Variants in TTC8 observed in about 807,000 individuals in gnomAD.
The protein encoded by TTC8 is tetratricopeptide repeat domain 8, also known as tetratricopeptide repeat protein 8.
A neutral mutation model predicts 72.5 loss-of-function variants in TTC8; 47 were observed. The ratio of observed to expected loss-of-function variants is 0.65; its 90% CI spans 0.51 to 0.83. The LOEUF is 0.83. Among genes scored for constraint, TTC8 ranks in the 40% least tolerant of loss-of-function variants. TTC8 has a pLI of 0.00. For missense variants in TTC8, 611 were observed against 623.2 expected (o/e 0.98, Z 0.21); for synonymous variants, 199 against 221.4 (o/e 0.90, Z 0.90).
intron 14 of TTC8, among the ~76,000 whole-genome samples, chr14:88,875,491 C>CT (rs1431244403): frequency 2.6e-5 from 4 of 152,198 alleles, no homozygotes; most frequent in Admixed American, 2.6e-4. Flanking sequence ...GGTACAATTG[C>CT]TGTAAAATTA....
intron 1 of TTC8, 104 bp from the exon 2 acceptor site, chr14:88,833,589 A>C: frequency 1.0e-6 from 1 of 962,908 alleles, no homozygotes; most frequent in Non-Finnish European, 1.7e-6. Context: ...ATTCTTATTG[A>C]ATGAGTTAGA....
intron 1 of TTC8, 130 bp from the exon 2 acceptor site, chr14:88,833,563 A>G: frequency 2.6e-6 from 2 of 762,452 alleles, no homozygotes; most frequent in Non-Finnish European, 4.5e-6. Flanking sequence ...TAGGAAGACT[A>G]AAGTTAATTT....
chr14:88,834,345 T>C (rs1322864005), intron 2 of TTC8, among the ~76,000 whole-genome samples: 1 of 152,124 alleles, frequency 6.6e-6, no homozygotes, highest in East Asian at 1.9e-4. Context: ...CAGTGATACT[T>C]TTAATCCAGG....
Position 88,866,382 on chromosome 14 carries a change from AACACAC to A in TTC8, c.910-3650_910-3645del, listed in dbSNP as rs10553603. Reference sequence around the variant, plus strand: ...AAAATTGCTGAAAATGGGAGATTTAAACACACACACACACACACACACACACACACA... The same window carrying A: ...AAAATTGCTGAAAATGGGAGATTTAAACACACACACACACACACACACACA... On this transcript the variant is annotated intron_variant, in intron 10 of 14. Coordinates refer to ENST00000380656, the MANE Select transcript of TTC8 (RefSeq NM_144596.4). 2.9e-3 allele frequency among the ~76,000 whole-genome samples: 429 copies of A among 146,662 alleles called. 1 individual carries two copies. Among genetic ancestry groups the A allele is most frequent in the South Asian group, 0.014 (64 of 4,582 alleles).
intron 6 of TTC8, among the ~76,000 whole-genome samples, 155 bp from the exon 7 acceptor site, chr14:88,843,651 A>G (rs1358456121): frequency 6.6e-6 from 1 of 152,176 alleles, no homozygotes; most frequent in African/African-American, 2.4e-5. Context: ...TGTTAAAACC[A>G]GAATCAGTTA....
chr14:88,847,121 G>T (rs2094810467), intron 7 of TTC8, among the ~76,000 whole-genome samples: 1 of 152,132 alleles, frequency 6.6e-6, no homozygotes, highest in Non-Finnish European at 1.5e-5. Context: ...CTCAAGGGTA[G>T]GTGTGGCGAA....
At chr14:88,838,991 T>C (rs1421664726) in intron 2 of TTC8, among the ~76,000 whole-genome samples, 1 of 152,186 alleles carries the variant, frequency 6.6e-6, no homozygotes, top group African/African-American at 2.4e-5. Context: ...TGTGTAATAA[T>C]AGAGGCATAA....
At chr14:88,873,679 T>C (rs1014248147) in intron 13 of TTC8, among the ~76,000 whole-genome samples, 1 of 152,336 alleles carries the variant, frequency 6.6e-6, no homozygotes, top group African/African-American at 2.4e-5. Flanking sequence ...AGTGGAAGCA[T>C]AGTATGGAGC....
chr14:88,825,452 C>T (rs2094695078), intron 1 of TTC8, among the ~76,000 whole-genome samples: 1 of 152,124 alleles, frequency 6.6e-6, no homozygotes, highest in Non-Finnish European at 1.5e-5. Context: ...AAGAAAGGCT[C>T]CTTACAAGAA....
At chr14:88,825,259 C>A (rs999455163) in intron 1 of TTC8, among the ~76,000 whole-genome samples, 1 of 152,192 alleles carries the variant, frequency 6.6e-6, no homozygotes, top group Non-Finnish European at 1.5e-5. Context: ...CCTTTTGGAT[C>A]GAACATGTGA....
intron 10 of TTC8, among the ~76,000 whole-genome samples, chr14:88,861,822 T>C (rs2141017113): frequency 6.6e-6 from 1 of 152,316 alleles, no homozygotes; most frequent in East Asian, 1.9e-4. Context: ...GATTTCATCC[T>C]TTTTTATGGC....
At chr14:88,841,400 T>G (rs887767160) in intron 5 of TTC8, 25 bp from the exon 6 acceptor site, 5 of 1,610,748 alleles carry the variant, frequency 3.1e-6, no homozygotes, top group Non-Finnish European at 3.4e-6. Context: ...TTCAGATCTC[T>G]TGGTCTATTG....
chr14:88,839,303 C>T (rs1235960949), intron 2 of TTC8, 149 bp from the exon 3 acceptor site: 2 of 735,858 alleles, frequency 2.7e-6, no homozygotes, highest in Non-Finnish European at 4.2e-6. Context: ...TAGTTTTTGA[C>T]ATGGCCCTTT....
downstream of TTC8, chr14:88,879,845 T>A (rs894484852): frequency 1.3e-5 from 2 of 151,814 alleles, no homozygotes; most frequent in African/African-American, 4.8e-5. Flanking sequence ...CCCAGCTAAT[T>A]TTTGTATTTT....
intron 7 of TTC8, among the ~76,000 whole-genome samples, chr14:88,851,737 G>T (rs2094834909): frequency 6.6e-6 from 1 of 151,964 alleles, no homozygotes; most frequent in East Asian, 1.9e-4. Context: ...GCATATGAAA[G>T]TACTGTGTGG....
intron 7 of TTC8, among the ~76,000 whole-genome samples, chr14:88,846,249 C>T (rs754525739): frequency 1.8e-4 from 28 of 151,964 alleles, no homozygotes; most frequent in Non-Finnish European, 3.2e-4. Context: ...TCACCTGAAC[C>T]CAGGGAGGTC....
intron 2 of TTC8, 84 bp downstream of exon 2, chr14:88,833,806 G>A: frequency 8.0e-7 from 1 of 1,252,516 alleles, no homozygotes; most frequent in Middle Eastern, 1.9e-4. Context: ...TAGAAAATTT[G>A]CTGCATATCT....
intron 13 of TTC8, among the ~76,000 whole-genome samples, chr14:88,874,495 T>C (rs572914246): frequency 1.3e-5 from 2 of 152,332 alleles, no homozygotes; most frequent in East Asian, 3.9e-4. Context: ...CATATTCAAT[T>C]GCTGTCTCAC....
intron 10 of TTC8, among the ~76,000 whole-genome samples, chr14:88,862,540 C>CTATATATATA (rs2094890629): frequency 2.4e-5 from 1 of 41,162 alleles, no homozygotes; most frequent in Admixed American, 3.8e-4. Context: ...CTCTCTCTCT[C>CTATATATATA]CATATATATA....
Sources: gnomAD v4.1 joint callset for allele counts (sites outside exome capture counted in the v4.1 genomes callset) on GRCh38, gnomAD v4.1.1 for gene constraint, MANE v1.5 for transcripts, NCBI Gene and HGNC (gene_info 2026-07-23, HGNC 2026-07-21) for gene names.